Variants in KIAA1671 observed in about 807,000 individuals in gnomAD.
KIAA1671 encodes the protein KIAA1671, also known as uncharacterized protein KIAA1671.
KIAA1671 carries 52 observed loss-of-function variants against 131.2 expected under a neutral mutation model. That is an observed-to-expected ratio of 0.40 (90% CI 0.32 to 0.50). The LOEUF is 0.50. Among genes scored for constraint, KIAA1671 ranks in the 20% least tolerant of loss-of-function variants. KIAA1671 has a pLI of 0.73. For synonymous variants in KIAA1671, 1,003 were observed against 961.6 expected (o/e 1.04, Z -0.80); for missense variants, 2,360 against 2,364.2 (o/e 1.00, Z 0.04).
At chr22:25,142,731 G>A (rs1368932308) in intron 6 of KIAA1671, among the ~76,000 whole-genome samples, 2 of 152,186 alleles carry the variant, frequency 1.3e-5, no homozygotes, top group Non-Finnish European at 2.9e-5. Flanking sequence ...AATTAGCCAG[G>A]TGTGGTGGCA....
chr22:25,115,666 G>T (rs1308149328), intron 6 of KIAA1671, among the ~76,000 whole-genome samples: 1 of 152,206 alleles, frequency 6.6e-6, no homozygotes, highest in South Asian at 2.1e-4. Flanking sequence ...GTAAGAGCCT[G>T]ATCAACCTGT....
chr22:24,995,438 C>CCTCAA (rs1337539676), intron 1 of KIAA1671, among the ~76,000 whole-genome samples: 1 of 151,728 alleles, frequency 6.6e-6, no homozygotes, highest in African/African-American at 2.4e-5. Flanking sequence ...CTCACTGCAG[C>CCTCAA]CTCAACCTCC....
At chr22:25,181,583 T>G in intron 9 of KIAA1671, 116 bp from the exon 10 acceptor site, 1 of 1,284,634 alleles carries the variant, frequency 7.8e-7, no homozygotes, top group African/African-American at 1.5e-5. Flanking sequence ...CCATAGCGTC[T>G]TCTGTGCAGG....
In KIAA1671 at chr22:25,049,217, C is replaced by G. The variant is rs1232449016; in HGVS notation, c.4396-13C>G. The G allele has an allele frequency of 6.4e-7, 1 of 1,550,556 alleles. No individual in the cohort carries two copies. Among genetic ancestry groups the G allele is most frequent in the African/African-American group, 1.4e-5 (1 of 73,002 alleles). ...CTCCCAGTAAAGTCCTTTTCTTGTG[C>G]TCTGTGTTTCAGGTGCTGCCACGGG... On this transcript the variant is annotated splice_polypyrimidine_tract_variant and intron_variant, in intron 5 of 12. Coordinates refer to ENST00000358431, the MANE Select transcript of KIAA1671 (RefSeq NM_001145206.2).
intron 6 of KIAA1671, chr22:25,049,918 C>G (rs1368442913): frequency 1.3e-5 from 2 of 152,650 alleles, no homozygotes; most frequent in African/African-American, 4.8e-5. Context: ...TGCATACATT[C>G]ACGTGTGACC....
intron 6 of KIAA1671, among the ~76,000 whole-genome samples, chr22:25,080,222 C>T (rs1439786300): frequency 6.6e-6 from 1 of 152,198 alleles, no homozygotes; most frequent in Non-Finnish European, 1.5e-5. Context: ...ACGTTCTCCA[C>T]CTCTTCCCGT....
At chr22:25,140,963 TC>T (rs959053051) in intron 6 of KIAA1671, among the ~76,000 whole-genome samples, 4 of 152,114 alleles carry the variant, frequency 2.6e-5, no homozygotes, top group African/African-American at 9.7e-5. Context: ...TTCAGGCTCT[TC>T]CTGGGACTTG....
intron 1 of KIAA1671, among the ~76,000 whole-genome samples, chr22:24,971,783 G>T (rs887230612): frequency 1.3e-5 from 2 of 152,156 alleles, no homozygotes; most frequent in Non-Finnish European, 2.9e-5. Flanking sequence ...GGGTTGGGGG[G>T]TTACCTGGGC....
At chr22:25,117,585 C>CCCCACA (rs1382744137) in intron 6 of KIAA1671, among the ~76,000 whole-genome samples, 3 of 123,836 alleles carry the variant, frequency 2.4e-5, no homozygotes, top group African/African-American at 9.6e-5. Flanking sequence ...TCTCCCCCAA[C>CCCCACA]CACACACACA....
intron 6 of KIAA1671, among the ~76,000 whole-genome samples, chr22:25,159,611 A>G (rs998844912): frequency 1.3e-5 from 2 of 152,080 alleles, no homozygotes; most frequent in Non-Finnish European, 1.5e-5. Flanking sequence ...CACCGACCAC[A>G]TGCCAGGCAT....
intron 6 of KIAA1671, chr22:25,070,019 C>T: frequency 4.2e-6 from 1 of 235,350 alleles, no homozygotes; most frequent in Non-Finnish European, 8.1e-6. Context: ...TGCCTTCTTG[C>T]CGTACAACTG....
At chr22:25,042,914 G>A (rs1927027572) in intron 5 of KIAA1671, among the ~76,000 whole-genome samples, 1 of 152,192 alleles carries the variant, frequency 6.6e-6, no homozygotes, top group Admixed American at 6.5e-5. Flanking sequence ...CACCTCTGAA[G>A]TTGTCATGTC....
At chr22:25,075,554 T>C (rs6004426) in intron 6 of KIAA1671, among the ~76,000 whole-genome samples, 73,652 of 150,736 alleles carry the variant, frequency 0.49, 18,640 homozygotes, top group African/African-American at 0.62. Context: ...TGCAGTGGCG[T>C]GATCTCGGCT....
Position 25,039,392 on chromosome 22 carries a change from G to T in KIAA1671, c.2262G>T (p.Glu754Asp). The T allele has an allele frequency of 6.4e-7, 1 of 1,551,844 alleles. No individual in the cohort carries two copies. ...AGGCCATCTCACCGGCACCGGAGGAGAAAGCGGTCACGCTCCGCAGCCTCA... is the reference window on the plus strand; with the variant it reads ...AGGCCATCTCACCGGCACCGGAGGATAAAGCGGTCACGCTCCGCAGCCTCA... ...HSEAISPAPEEKAVTLRSLRS... is the reference protein window; with the variant it reads ...HSEAISPAPEDKAVTLRSLRS... Residue 754 changes from glutamate (E) to aspartate (D), a missense_variant, in exon 5 of 13, where the codon GAG becomes GAT. This residue lies in a region of KIAA1671 where 1,185 missense variants were observed against 1,126.2 expected (regional missense o/e 1.05). Coordinates refer to ENST00000358431, the MANE Select transcript of KIAA1671 (RefSeq NM_001145206.2).
intron 3 of KIAA1671, among the ~76,000 whole-genome samples, 154 bp downstream of exon 3, chr22:25,029,694 A>G (rs2145789312): frequency 6.6e-6 from 1 of 152,342 alleles, no homozygotes; most frequent in South Asian, 2.1e-4. Context: ...TCAGATGAGA[A>G]AGGTGAGGTG....
chr22:25,133,628 G>A (rs770822152), intron 6 of KIAA1671, among the ~76,000 whole-genome samples: 1 of 152,048 alleles, frequency 6.6e-6, no homozygotes, highest in Non-Finnish European at 1.5e-5. Flanking sequence ...CTGCAGCCTC[G>A]AACTCCTGGG....
intron 1 of KIAA1671, among the ~76,000 whole-genome samples, chr22:25,006,834 C>T (rs1924774856): frequency 1.3e-5 from 2 of 152,170 alleles, no homozygotes; most frequent in Admixed American, 6.5e-5. Flanking sequence ...CTGCCTTTCT[C>T]TTATAAGGAC....
chr22:25,095,520 G>A (rs548016335), intron 6 of KIAA1671, among the ~76,000 whole-genome samples: 41 of 152,136 alleles, frequency 2.7e-4, no homozygotes, highest in Non-Finnish European at 5.0e-4. Flanking sequence ...GCATGGTGGC[G>A]GGCACCTGTA....
At chr22:25,190,846 CAG>C (rs1569000693) in intron 12 of KIAA1671, 62 bp downstream of exon 12, 12 of 1,167,614 alleles carry the variant, frequency 1.0e-5, no homozygotes, top group Middle Eastern at 3.8e-4. Context: ...ATGGGGAACT[CAG>C]GGGGGCCACG....
Sources: allele counts gnomAD v4.1 joint callset (sites outside exome capture counted in the v4.1 genomes callset), GRCh38; gene constraint gnomAD v4.1.1; regional missense constraint gnomAD v4.1.1; transcripts MANE v1.5; gene names NCBI Gene and HGNC (gene_info 2026-07-23, HGNC 2026-07-21).